HDAC4: variants seen among roughly 807,000 people sequenced by gnomAD.
The protein encoded by HDAC4 is histone deacetylase A.
A neutral mutation model predicts 135.1 loss-of-function variants in HDAC4; 16 were observed. That is an observed-to-expected ratio of 0.12 (90% CI 0.08 to 0.18). The LOEUF is 0.18. Ranked by LOEUF, HDAC4 falls within the 10% of genes least tolerant of loss-of-function variation. The pLI is 1.00. For missense variants in HDAC4, 1,143 were observed against 1,511.8 expected (o/e 0.76, Z 4.05); for synonymous variants, 685 against 653.4 (o/e 1.05, Z -0.74).
In HDAC4 at chr2:239,090,038, C is replaced by T. The variant is rs2036359813; in HGVS notation, c.2359G>A (p.Val787Ile). 5 of 1,613,720 alleles carry T rather than the reference C, an allele frequency of 3.1e-6. No individual in the cohort carries two copies. The highest frequency in any genetic ancestry group is 4.2e-6 in the Non-Finnish European group (5 of 1,179,930). ...RLAVGCVVEL[V>I]FKVATGELKN... ...AGCTCCCCTGTGGCCACCTTGAAGA[C>T]CAGCTCTACCACGCAGCCCACAGCC... Residue 787 changes from valine (V) to isoleucine (I), a missense_variant, in exon 18 of 27, where the codon GTC (valine) becomes ATC (isoleucine). Coordinates refer to ENST00000543185, the MANE Select transcript of HDAC4 (RefSeq NM_001378414.1).
intron 2 of HDAC4, among the ~76,000 whole-genome samples, chr2:239,301,385 CAGCCAGTGATGCCAGGCGA>C (rs888688161): frequency 9.2e-5 from 14 of 152,152 alleles, no homozygotes; most frequent in East Asian, 3.9e-4. Context: ...CAGCAGCCCA[CAGCCAGTGATGCCAGGCGA>C]GGCCAGTGAT....
chr2:239,132,675 A>C (rs2040676409), intron 11 of HDAC4, among the ~76,000 whole-genome samples: 2 of 152,186 alleles, frequency 1.3e-5, no homozygotes, highest in African/African-American at 4.8e-5. Context: ...ACCCATGCAC[A>C]CTCGATATCC....
At chr2:239,390,636 T>C (rs1160900019) in intron 1 of HDAC4, among the ~76,000 whole-genome samples, 2 of 152,296 alleles carry the variant, frequency 1.3e-5, no homozygotes, top group Admixed American at 1.3e-4. Context: ...GGAGGAGCTG[T>C]GCCCACAGGG....
chr2:239,055,289 A>G (rs1216542763), intron 24 of HDAC4: 1 of 242,534 alleles, frequency 4.1e-6, no homozygotes, highest in Non-Finnish European at 8.2e-6. Context: ...AAATGGAAGA[A>G]GTAGTCAGAT....
intron 1 of HDAC4, among the ~76,000 whole-genome samples, chr2:239,392,477 A>G (rs553634520): frequency 2.6e-4 from 39 of 152,288 alleles, no homozygotes; most frequent in East Asian, 7.7e-4. Context: ...GAACCTCCCA[A>G]TGGTTTTCTT....
At chr2:239,125,003 T>C (rs79880564) in intron 12 of HDAC4, among the ~76,000 whole-genome samples, 1,116 of 54,568 alleles carry the variant, frequency 0.02, no homozygotes, top group Middle Eastern at 0.083. Context: ...TGACATTCCA[T>C]GTTATGTGAC....
intron 7 of HDAC4, among the ~76,000 whole-genome samples, chr2:239,150,274 CAT>C (rs901691340): frequency 4.0e-5 from 6 of 151,842 alleles, no homozygotes; most frequent in Admixed American, 1.3e-4. Context: ...CACACAGAAA[CAT>C]AGATACACAC....
chr2:239,111,867 T>A (rs2152800453), intron 13 of HDAC4, among the ~76,000 whole-genome samples, 155 bp from the exon 14 acceptor site: 2 of 152,314 alleles, frequency 1.3e-5, no homozygotes, highest in Middle Eastern at 3.4e-3. Context: ...GGAGAGGCCT[T>A]CCCTGTGAGT....
chr2:239,156,494 T>G (rs1172757827), intron 7 of HDAC4, among the ~76,000 whole-genome samples, 158 bp downstream of exon 7: 1 of 152,268 alleles, frequency 6.6e-6, no homozygotes, highest in East Asian at 1.9e-4. Flanking sequence ...TTTAGGGATA[T>G]CTTTTAAAAA....
intron 1 of HDAC4, among the ~76,000 whole-genome samples, chr2:239,392,449 G>A (rs1292654568): frequency 3.3e-5 from 5 of 152,226 alleles, no homozygotes; most frequent in Non-Finnish European, 5.9e-5. Context: ...TTATAGTAGA[G>A]GGGGTTTTAA....
rs1303655936 is a variant in HDAC4 at position 239,115,105 on chromosome 2, T to C, written c.1739A>G (p.Glu580Gly). The C allele has an allele frequency of 6.2e-7, 1 of 1,611,620 alleles. No homozygotes were observed. Among genetic ancestry groups the C allele is most frequent in the East Asian group, 2.2e-5 (1 of 44,878 alleles). The change falls in exon 13 of 27, where the codon GAG (glutamate) becomes GGG (glycine). Residue 580 changes from glutamate (E) to glycine (G), a missense_variant. Glu to Gly is a moderately conservative substitution (Grantham distance 98). Transcript: ENST00000543185. The surrounding 1 kb of genome is among the most constrained non-coding windows in gnomAD (Gnocchi z 6.3). ...SDEEEAEPPR[E>G]VEPGQRQPSE... ...GGGCTGGCGCTGGCCCGGCTCCACC[T>C]CCCGTGGGGGCTCTGCCTCTTCCTC...
chr2:239,258,888 T>C (rs1026323731), intron 2 of HDAC4, among the ~76,000 whole-genome samples: 1 of 152,050 alleles, frequency 6.6e-6, no homozygotes, highest in Non-Finnish European at 1.5e-5. Context: ...TAGAAGAACA[T>C]AAACTAAAAA....
chr2:239,194,101 G>A (rs991089744), intron 3 of HDAC4, among the ~76,000 whole-genome samples: 2 of 152,242 alleles, frequency 1.3e-5, no homozygotes, highest in South Asian at 2.1e-4. Context: ...CAGGGATGCC[G>A]GCCAGCATTC....
chr2:239,348,641 G>A (rs1271063140), intron 2 of HDAC4, among the ~76,000 whole-genome samples: 1 of 152,248 alleles, frequency 6.6e-6, no homozygotes, highest in East Asian at 1.9e-4. Flanking sequence ...CTGGCTTCAA[G>A]GCAGAGGCTC....
chr2:239,300,413 G>A (rs2052183069), intron 2 of HDAC4, among the ~76,000 whole-genome samples: 1 of 152,234 alleles, frequency 6.6e-6, no homozygotes, highest in South Asian at 2.1e-4. Context: ...TGATGTGGCT[G>A]CTGACAAGCT....
At chr2:239,099,367 T>C (rs1219108433) in intron 16 of HDAC4, among the ~76,000 whole-genome samples, 1 of 152,220 alleles carries the variant, frequency 6.6e-6, no homozygotes, top group Non-Finnish European at 1.5e-5. Context: ...AGCTGATGCT[T>C]TGAGGCTGCT....
At chr2:239,188,018 C>G (rs1034903041) in intron 4 of HDAC4, among the ~76,000 whole-genome samples, 4 of 152,212 alleles carry the variant, frequency 2.6e-5, no homozygotes, top group African/African-American at 9.6e-5. Context: ...CCAACAAATG[C>G]CAAGGCAACG....
At chr2:239,082,037 G>T in intron 21 of HDAC4, 65 bp downstream of exon 21, 1 of 1,382,180 alleles carries the variant, frequency 7.2e-7, no homozygotes, top group Non-Finnish European at 1.0e-6. Context: ...CGTCTGCCCC[G>T]TGCCCCCACA....
chr2:239,105,011 C>T (rs569196913), intron 15 of HDAC4, among the ~76,000 whole-genome samples: 72 of 152,354 alleles, frequency 4.7e-4, no homozygotes, highest in Non-Finnish European at 8.1e-4. Context: ...TGCGGGACAC[C>T]GCGATGGCTC....
Sources: allele counts gnomAD v4.1 joint callset (sites outside exome capture counted in the v4.1 genomes callset), GRCh38; gene constraint gnomAD v4.1.1; non-coding constraint Gnocchi (gnomAD v3.1); transcripts MANE v1.5; gene names NCBI Gene and HGNC (gene_info 2026-07-23, HGNC 2026-07-21).